Variants in NAALADL2 observed in about 807,000 individuals in gnomAD.
NAALADL2 encodes the protein inactive N-acetylated-alpha-linked acidic dipeptidase-like protein 2.
In NAALADL2, 76 loss-of-function variants were observed where a neutral mutation model predicts 87.2. That is an observed-to-expected ratio of 0.87 (90% CI 0.72 to 1.05). The LOEUF (loss-of-function observed/expected upper bound fraction) is 1.05, where lower values mean the gene tolerates loss of function less well. Ranked by LOEUF, NAALADL2 falls within the 50% of genes least tolerant of loss-of-function variation. The pLI, the probability that NAALADL2 is intolerant of heterozygous loss-of-function variation, is 0.00. For synonymous variants in NAALADL2, 354 were observed against 331.0 expected (o/e 1.07, Z -0.75); for missense variants, 1,089 against 945.8 (o/e 1.15, Z -1.99).
intron 2 of NAALADL2, among the ~76,000 whole-genome samples, chr3:175,217,310 C>T (rs181557553): frequency 2.8e-4 from 42 of 152,222 alleles, no homozygotes; most frequent in African/African-American, 6.7e-4. Context: ...CAACAGCATG[C>T]GTTCATTTCC....
At chr3:175,154,215 C>T (rs528189824) in intron 2 of NAALADL2, among the ~76,000 whole-genome samples, 10 of 152,156 alleles carry the variant, frequency 6.6e-5, no homozygotes, top group African/African-American at 2.4e-4. Flanking sequence ...TTTTCTGGTA[C>T]CTTTATCACT....
intron 2 of NAALADL2, among the ~76,000 whole-genome samples, chr3:174,726,053 C>T (rs1323166194): frequency 1.3e-5 from 2 of 152,138 alleles, no homozygotes; most frequent in African/African-American, 2.4e-5. Context: ...CTGGTTTCTC[C>T]TTTCACTACC....
At chr3:175,087,272 C>T (rs190218276) in intron 1 of NAALADL2, among the ~76,000 whole-genome samples, 106 of 152,090 alleles carry the variant, frequency 7.0e-4, no homozygotes, top group Non-Finnish European at 1.1e-3. Flanking sequence ...CTGCCCTGCC[C>T]GGGAGGGAGG....
rs1341970010 is a variant in NAALADL2 at position 175,469,940 on chromosome 3, C to A, written c.1534-1699C>A. On this transcript the variant is annotated intron_variant, in intron 8 of 13. Transcript: ENST00000454872. Reference sequence around the variant, plus strand: ...GGAAAAATTACTCAAGCTTAAAATTCATCATTTATGTGCGCTTAAAATGTT... The same window carrying A: ...GGAAAAATTACTCAAGCTTAAAATTAATCATTTATGTGCGCTTAAAATGTT... Among the ~76,000 whole-genome samples, 4 of 152,174 alleles carry A rather than the reference C, an allele frequency of 2.6e-5. No individual in the cohort carries two copies. In the South Asian group the frequency reaches 8.3e-4, roughly 31 times the overall value.
intron 10 of NAALADL2, among the ~76,000 whole-genome samples, chr3:175,613,906 C>A (rs114185760): frequency 0.027 from 4,145 of 152,192 alleles, 153 homozygotes; most frequent in Admixed American, 0.068. Context: ...GACATAATCT[C>A]CCATACATTA....
chr3:175,435,387 A>T (rs1314625192), intron 5 of NAALADL2, among the ~76,000 whole-genome samples: 1 of 152,094 alleles, frequency 6.6e-6, no homozygotes, highest in East Asian at 1.9e-4. Context: ...CTGTAAATAT[A>T]ATCAATTCAA....
chr3:174,929,634 G>T (rs1030694335), intron 1 of NAALADL2, among the ~76,000 whole-genome samples: 3 of 152,022 alleles, frequency 2.0e-5, no homozygotes, highest in African/African-American at 7.2e-5. Context: ...AAATAATGTT[G>T]TGCACATAGA....
At chr3:174,641,011 G>A (rs1326971038) in intron 2 of NAALADL2, among the ~76,000 whole-genome samples, 2 of 152,216 alleles carry the variant, frequency 1.3e-5, no homozygotes, top group Admixed American at 1.3e-4. Flanking sequence ...TCCAGGCGAG[G>A]ATGGGCGCCC....
At chr3:175,242,363 G>A (rs1240842543) in intron 3 of NAALADL2, 3 of 152,038 alleles carry the variant, frequency 2.0e-5, no homozygotes, top group African/African-American at 7.2e-5. Context: ...TAAGTATTTT[G>A]TTTACAAATA....
chr3:174,761,046 C>A (rs1319388423), intron 3 of NAALADL2, among the ~76,000 whole-genome samples: 1 of 152,164 alleles, frequency 6.6e-6, no homozygotes, highest in Non-Finnish European at 1.5e-5. Context: ...TCTTTGCAAC[C>A]TCAGATCCAA....
chr3:175,282,318 G>A, intron 4 of NAALADL2, among the ~76,000 whole-genome samples: 1 of 151,934 alleles, frequency 6.6e-6, no homozygotes, highest in Non-Finnish European at 1.5e-5. Context: ...TGATAAAGCT[G>A]GTCAGAGAAA....
intron 1 of NAALADL2, among the ~76,000 whole-genome samples, chr3:174,488,653 A>T (rs1718004892): frequency 6.6e-6 from 1 of 151,848 alleles, no homozygotes; most frequent in African/African-American, 2.4e-5. Context: ...TTTTTTTCAC[A>T]ATCTCATGGA....
intron 2 of NAALADL2, among the ~76,000 whole-genome samples, chr3:174,563,204 T>C (rs1186432665): frequency 6.6e-6 from 1 of 151,812 alleles, no homozygotes; most frequent in Non-Finnish European, 1.5e-5. Context: ...ATGCTTAACC[T>C]ACAAAATTTC....
chr3:175,122,363 G>A lies in NAALADL2; in HGVS notation c.545+25072G>A, dbSNP rs1726288713. The stretch of plus-strand genomic sequence containing the variant: ...TTCACGTGACTGTGAACCAAGCATT[G>A]GTTTTGGCCTTGAACTTGTTTTTCT... On this transcript the variant is annotated intron_variant, in intron 2 of 13. Coordinates refer to ENST00000454872, the MANE Select transcript of NAALADL2 (RefSeq NM_207015.3). Among the ~76,000 whole-genome samples the A allele has an allele frequency of 2.6e-5, 4 of 151,912 alleles. 1 individual carries two copies. In the South Asian group the frequency reaches 8.3e-4, roughly 32 times the overall value.
intron 11 of NAALADL2, among the ~76,000 whole-genome samples, chr3:175,657,158 C>T (rs1343053022): frequency 6.6e-6 from 1 of 152,190 alleles, no homozygotes; most frequent in African/African-American, 2.4e-5. Context: ...AAGAGTCAGG[C>T]TGTCTCTGAT....
At position 175,097,280 on chromosome 3, in the gene NAALADL2, GA is replaced by G; in HGVS notation, c.536del (p.Lys179SerfsTer31). The G allele has an allele frequency of 6.2e-7, 1 of 1,607,632 alleles. No individual in the cohort carries two copies. Among genetic ancestry groups the G allele is most frequent in the South Asian group, 1.1e-5 (1 of 90,288 alleles). ...AGACAATCCAGGCAGAAGATATTAA[GA>G]AGTCTTTCAGGTAGGTGAAGAAGAA... is the stretch of plus-strand genomic sequence containing the variant. ...LKTIQAEDIKKSFRNLVQLYK... is the reference protein window; with the variant it reads ...LKTIQAEDIKXSFRNLVQLYK... On this transcript the variant is annotated frameshift_variant, in exon 2 of 14. Transcript: ENST00000454872. LOFTEE classifies it high-confidence loss of function.
chr3:174,498,744 C>T (rs889867682), intron 1 of NAALADL2, among the ~76,000 whole-genome samples: 8 of 151,850 alleles, frequency 5.3e-5, no homozygotes, highest in Admixed American at 3.9e-4. Context: ...TCACATCTTG[C>T]TAACACTTCC....
chr3:175,139,009 G>A (rs1226018666), intron 2 of NAALADL2, among the ~76,000 whole-genome samples: 1 of 148,288 alleles, frequency 6.7e-6, no homozygotes, highest in African/African-American at 2.5e-5. Flanking sequence ...TATTTTAAAT[G>A]TGTTTTTTTG....
At chr3:175,349,129 T>C (rs1181837276) in intron 5 of NAALADL2, among the ~76,000 whole-genome samples, 1 of 146,630 alleles carries the variant, frequency 6.8e-6, no homozygotes, top group Admixed American at 6.9e-5. Context: ...GCCCCCACCA[T>C]CAGAGAATAA....
Sources: allele counts gnomAD v4.1 joint callset (sites outside exome capture counted in the v4.1 genomes callset), GRCh38; gene constraint gnomAD v4.1.1; transcripts MANE v1.5; gene names NCBI Gene and HGNC (gene_info 2026-07-23, HGNC 2026-07-21).